The following BICD1 variants were observed in gnomAD, a reference collection of about 807,000 sequenced individuals.
BICD1 encodes the protein protein bicaudal D homolog 1.
BICD1 carries 35 observed loss-of-function variants against 92.5 expected under a neutral mutation model. That is an observed-to-expected ratio of 0.38 (90% CI 0.29 to 0.50). The LOEUF is 0.50. Among genes scored for constraint, BICD1 ranks in the 20% least tolerant of loss-of-function variants. The pLI is 0.93. For synonymous variants in BICD1, 429 were observed against 465.1 expected, an observed-to-expected ratio of 0.92 and a Z score of 1.00; for missense variants, 950 against 1,189.8, an observed-to-expected ratio of 0.80 and a Z score of 2.97.
At chr12:32,348,723 A>AAAAT (rs1938731695) in intron 8 of BICD1, among the ~76,000 whole-genome samples, 8 of 117,958 alleles carry the variant, frequency 6.8e-5, no homozygotes, top group Non-Finnish European at 1.5e-4. Context: ...CTCACACAAA[A>AAAAT]ATATATATAT....
At chr12:32,339,768 C>A in intron 8 of BICD1, 1 of 985,348 alleles carries the variant, frequency 1.0e-6, no homozygotes, top group Non-Finnish European at 1.2e-6. Context: ...AGCTTAAAGG[C>A]AGCTGTTATT....
chr12:32,202,860 C>T (rs1165588713), intron 1 of BICD1, among the ~76,000 whole-genome samples: 1 of 152,234 alleles, frequency 6.6e-6, no homozygotes, highest in East Asian at 1.9e-4. Context: ...ATCTGCCCGC[C>T]TCAGCCTCCC....
chr12:32,342,146 A>T (rs527256807), intron 8 of BICD1, among the ~76,000 whole-genome samples: 21 of 147,320 alleles, frequency 1.4e-4, no homozygotes, highest in Non-Finnish European at 3.0e-4. Flanking sequence ...ATGTGTGTAT[A>T]TATATGTGTG....
chr12:32,166,138 A>ATTTATTTTTTATTTATTT lies in BICD1; in HGVS notation c.214-50102_214-50101insTTTATTTATTTTTTATTT, dbSNP rs71068303. 8.2e-4 allele frequency among the ~76,000 whole-genome samples: 118 copies of ATTTATTTTTTATTTATTT among 144,046 alleles called. 3 individuals carry two copies. Among genetic ancestry groups the ATTTATTTTTTATTTATTT allele is most frequent in the African/African-American group, 2.4e-3 (95 of 39,070 alleles). 94.5% of individuals were successfully genotyped at this position (144,046 alleles called of 152,430 possible). A position where few individuals can be genotyped will look rare whatever the true frequency, so the allele number is the denominator to read the frequency against. Reference sequence around the variant, plus strand: ...TATTTATTTATTTATTTATTTATTTATTTATTTATTTTTTGGAGCCAGCGT... The same window carrying ATTTATTTTTTATTTATTT: ...TATTTATTTATTTATTTATTTATTTATTTATTTTTTATTTATTTTTTATTTATTTTTTGGAGCCAGCGT... On this transcript the variant is annotated intron_variant, in intron 1 of 9. Coordinates refer to ENST00000652176, the MANE Select transcript of BICD1 (RefSeq NM_001714.4).
chr12:32,300,981 G>A (rs535165705), intron 3 of BICD1, among the ~76,000 whole-genome samples: 1 of 152,082 alleles, frequency 6.6e-6, no homozygotes, highest in Non-Finnish European at 1.5e-5. Flanking sequence ...AGGCCTGAAA[G>A]AAACCATGAC....
intron 2 of BICD1, among the ~76,000 whole-genome samples, chr12:32,276,918 A>G (rs1239736403): frequency 6.6e-6 from 1 of 152,220 alleles, no homozygotes; most frequent in Non-Finnish European, 1.5e-5. Context: ...CTCTTATTCA[A>G]GAGGGTACCT....
chr12:32,155,192 G>A (rs187557113), intron 1 of BICD1, among the ~76,000 whole-genome samples: 154 of 152,110 alleles, frequency 1.0e-3, no homozygotes, highest in African/African-American at 3.6e-3. Flanking sequence ...GTACTCCATC[G>A]GCCACTGACA....
In BICD1 at chr12:32,252,061, T is replaced by TTTATAA. The variant is rs57154202; in HGVS notation, c.426+35603_426+35604insTATAAT. ...ATATATTTATAATAAATATTATATA[T>TTTATAA]TATATATTTATAATATATATTTATA... On this transcript the variant is annotated intron_variant, in intron 2 of 9. Transcript: ENST00000652176. 2.4e-3 allele frequency among the ~76,000 whole-genome samples: 188 copies of TTTATAA among 77,742 alleles called. 9 individuals carry two copies. The highest frequency in any genetic ancestry group is 9.6e-3 in the African/African-American group (151 of 15,700). 51.0% of individuals were successfully genotyped at this position (77,742 alleles called of 152,430 possible). A position where few individuals can be genotyped will look rare whatever the true frequency, so the allele number is the denominator to read the frequency against.
chr12:32,240,396 C>T (rs1457623463), intron 2 of BICD1, among the ~76,000 whole-genome samples: 1 of 152,140 alleles, frequency 6.6e-6, no homozygotes, highest in Non-Finnish European at 1.5e-5. Flanking sequence ...CTTCCAGCTT[C>T]CATCTTTTTC....
At chr12:32,110,148 C>A (rs1460850143) in intron 1 of BICD1, among the ~76,000 whole-genome samples, 1 of 152,186 alleles carries the variant, frequency 6.6e-6, no homozygotes, top group Non-Finnish European at 1.5e-5. Flanking sequence ...CTTTGCAGAT[C>A]ATTTTGTTTT....
At chr12:32,188,467 G>A (rs11051838) in intron 1 of BICD1, among the ~76,000 whole-genome samples, 118,686 of 152,140 alleles carry the variant, frequency 0.78, 46,414 homozygotes, top group African/African-American at 0.82. Context: ...AACATTTATC[G>A]TATACATTGT....
intron 1 of BICD1, chr12:32,108,377 G>A: frequency 3.6e-6 from 1 of 279,260 alleles, no homozygotes; most frequent in Non-Finnish European, 6.7e-6. Flanking sequence ...TTTAAAGCCT[G>A]TCGGATGTAT....
chr12:32,165,558 G>A (rs1404419108), intron 1 of BICD1, among the ~76,000 whole-genome samples: 2 of 151,838 alleles, frequency 1.3e-5, no homozygotes, highest in African/African-American at 2.4e-5. Context: ...GGTGGTGCGT[G>A]CCTATAGTCC....
At chr12:32,339,854 T>A (rs960695464) in intron 8 of BICD1, 11 of 966,594 alleles carry the variant, frequency 1.1e-5, no homozygotes, top group Non-Finnish European at 1.2e-5. Context: ...AGATTTTATA[T>A]GAACATCAGT....
intron 8 of BICD1, among the ~76,000 whole-genome samples, chr12:32,351,696 AGT>A (rs1349846131): frequency 6.6e-6 from 1 of 151,648 alleles, no homozygotes; most frequent in East Asian, 1.9e-4. Context: ...CGAGGTCAGG[AGT>A]TCAAGACCAG....
intron 1 of BICD1, among the ~76,000 whole-genome samples, chr12:32,117,701 C>T (rs1419698410): frequency 9.1e-6 from 1 of 109,632 alleles, no homozygotes; most frequent in African/African-American, 3.6e-5. Context: ...TATATATACA[C>T]AAATATATAT....
chr12:32,294,062 G>A lies in BICD1; in HGVS notation c.495G>A (p.Glu165=). ...KDEIREYKFR[E]ARLLQDYTEL... ...AAATCCGAGAATATAAGTTCCGGGA[G>A]GCACGGCTCCTTCAGGACTATACTG... is the stretch of plus-strand genomic sequence containing the variant. Residue 165 remains glutamate (E), a synonymous_variant, in exon 3 of 10, where the codon GAG becomes GAA. Transcript: ENST00000652176. 1 of 1,612,824 alleles carries A rather than the reference G, an allele frequency of 6.2e-7. No homozygotes were observed. The highest frequency in any genetic ancestry group is 1.3e-5 in the African/African-American group (1 of 74,980).
At chr12:32,180,390 A>T (rs147923865) in intron 1 of BICD1, among the ~76,000 whole-genome samples, 1 of 152,010 alleles carries the variant, frequency 6.6e-6, no homozygotes, top group African/African-American at 2.4e-5. Flanking sequence ...GAGGCCTTAA[A>T]ATAGGCATCA....
chr12:32,335,334 CAG>C, intron 6 of BICD1, among the ~76,000 whole-genome samples: 1 of 151,304 alleles, frequency 6.6e-6, no homozygotes, highest in Non-Finnish European at 1.5e-5. Context: ...GTACTTTTAG[CAG>C]AGACGGGGTT....
Sources: gnomAD v4.1 joint callset for allele counts (sites outside exome capture counted in the v4.1 genomes callset) on GRCh38, gnomAD v4.1.1 for gene constraint, MANE v1.5 for transcripts, NCBI Gene and HGNC (gene_info 2026-07-23, HGNC 2026-07-21) for gene names.